HMGB1: variants seen among roughly 807,000 people sequenced by gnomAD.
HMGB1 encodes the protein high mobility group protein B1.
For synonymous variants in HMGB1, 81 were observed against 84.0 expected (o/e 0.96, Z 0.19); for missense variants, 79 against 253.5 (o/e 0.31, Z 4.67).
At chr13:30,512,755 A>G (rs1431838705) in intron 1 of HMGB1, among the ~76,000 whole-genome samples, 1 of 152,210 alleles carries the variant, frequency 6.6e-6, no homozygotes, top group East Asian at 1.9e-4. Flanking sequence ...CAGCTCCAGG[A>G]CCACGGTAAA....
At chr13:30,495,223 A>G (rs1475978912) in intron 1 of HMGB1, among the ~76,000 whole-genome samples, 1 of 152,094 alleles carries the variant, frequency 6.6e-6, no homozygotes, top group Non-Finnish European at 1.5e-5. Context: ...GCTTGCCACC[A>G]GTATCGTTTT....
rs188109636 is a variant in HMGB1, at chr13:30,519,222, G to A, written c.-14-55528C>T. Among the ~76,000 whole-genome samples, 23 of 151,390 alleles carry A rather than the reference G, an allele frequency of 1.5e-4. No individual in the cohort carries two copies. The South Asian group carries it at 1.7e-3, about 11-fold the overall frequency. ...AGCCTGGCCAACATGGTGAAACCCC[G>A]TCTCTATTAAAAATACAAAAATTAG... On this transcript the variant is annotated intron_variant, in intron 1 of 4. Coordinates refer to the HMGB1 transcript ENST00000405805.
intron 1 of HMGB1, among the ~76,000 whole-genome samples, chr13:30,490,344 GC>G (rs1020737061): frequency 1.3e-5 from 2 of 152,114 alleles, no homozygotes; most frequent in African/African-American, 4.8e-5. Context: ...TTTGGGCTGG[GC>G]GTGGTGGTTC....
chr13:30,558,650 C>CT (rs1869796947), intron 1 of HMGB1, among the ~76,000 whole-genome samples: 8 of 152,248 alleles, frequency 5.3e-5, no homozygotes, highest in Middle Eastern at 3.4e-3. Flanking sequence ...ATGAAACCTT[C>CT]CTTTTTCCAA....
chr13:30,592,874 A>ATTTTT (rs1566034980), intron 1 of HMGB1, among the ~76,000 whole-genome samples: 2 of 148,546 alleles, frequency 1.3e-5, no homozygotes, highest in African/African-American at 5.2e-5. Context: ...TTTTTTTTAA[A>ATTTTT]AAAAAAAAAA....
intron 1 of HMGB1, among the ~76,000 whole-genome samples, chr13:30,597,850 G>A (rs927836159): frequency 1.3e-5 from 2 of 152,056 alleles, no homozygotes; most frequent in African/African-American, 4.8e-5. Context: ...CCTGACCCCT[G>A]GTGTGTAGGG....
chr13:30,475,064 A>T (rs1593264675), intron 1 of HMGB1, among the ~76,000 whole-genome samples: 1 of 73,538 alleles, frequency 1.4e-5, no homozygotes, highest in Admixed American at 2.1e-4. Context: ...TTTTTTTGAG[A>T]CAGTCTCGCT....
chr13:30,564,278 C>CAA (rs60208654), intron 1 of HMGB1, among the ~76,000 whole-genome samples: 43 of 105,810 alleles, frequency 4.1e-4, no homozygotes, highest in Non-Finnish European at 6.0e-4. Flanking sequence ...ACTAAAAATG[C>CAA]AAAAAAAAAA....
chr13:30,577,384 G>A (rs922296323), intron 1 of HMGB1, among the ~76,000 whole-genome samples: 1 of 149,976 alleles, frequency 6.7e-6, no homozygotes, highest in Non-Finnish European at 1.5e-5. Flanking sequence ...CCAGAAGAGC[G>A]TCCTCACCAA....
chr13:30,613,732 C>A (rs1327648270), intron 1 of HMGB1, among the ~76,000 whole-genome samples: 1 of 152,064 alleles, frequency 6.6e-6, no homozygotes, highest in African/African-American at 2.4e-5. Context: ...TTAGAGTCAA[C>A]AGGGTGTTGA....
chr13:30,555,033 G>GGT lies in HMGB1; in HGVS notation c.-15+61637_-15+61638insAC, dbSNP rs1174019434. The stretch of plus-strand genomic sequence containing the variant: ...AACCTTACATTGGATGTGTCGTTGT[G>GGT]TTTTTTTTTTTTTTTTTTTTTTTTT... On this transcript the variant is annotated intron_variant, in intron 1 of 4. Coordinates refer to the HMGB1 transcript ENST00000405805. 6.9e-5 allele frequency among the ~76,000 whole-genome samples: 5 copies of GGT among 72,442 alleles called. No homozygotes were observed. The East Asian group carries it at 2.3e-3, about 34-fold the overall frequency. The allele number at this position is 72,442 out of a possible 152,430, so 47.5% of individuals were successfully genotyped here. A position where few individuals can be genotyped will look rare whatever the true frequency, so the allele number is the denominator to read the frequency against.
intron 1 of HMGB1, among the ~76,000 whole-genome samples, chr13:30,509,138 A>G (rs117164405): frequency 0.046 from 6,948 of 151,974 alleles, 200 homozygotes; most frequent in Middle Eastern, 0.11. Context: ...GGGTCTCACC[A>G]TTTTGCCCAG....
intron 1 of HMGB1, among the ~76,000 whole-genome samples, chr13:30,534,081 C>T (rs111485498): frequency 6.6e-6 from 1 of 152,212 alleles, no homozygotes; most frequent in South Asian, 2.1e-4. Context: ...TAAGGCTGGT[C>T]TTGAACTCCC....
At chr13:30,603,058 T>C (rs1227347225) in intron 1 of HMGB1, among the ~76,000 whole-genome samples, 2 of 152,242 alleles carry the variant, frequency 1.3e-5, no homozygotes, top group Non-Finnish European at 2.9e-5. Context: ...CTGCCTGCCC[T>C]GGCCTCTCCA....
chr13:30,570,194 G>C (rs180984184), intron 1 of HMGB1, among the ~76,000 whole-genome samples: 1 of 152,180 alleles, frequency 6.6e-6, no homozygotes, highest in Non-Finnish European at 1.5e-5. Context: ...GCTCATGCCT[G>C]TTACTCCCAG....
At chr13:30,504,651 T>G (rs1440968221) in intron 1 of HMGB1, among the ~76,000 whole-genome samples, 1 of 152,176 alleles carries the variant, frequency 6.6e-6, no homozygotes, top group East Asian at 1.9e-4. Flanking sequence ...TTAGGTTAGG[T>G]TGAAATCGAA....
intron 1 of HMGB1, among the ~76,000 whole-genome samples, chr13:30,607,704 T>C (rs1028789284): frequency 6.6e-6 from 1 of 152,186 alleles, no homozygotes; most frequent in Admixed American, 6.5e-5. Flanking sequence ...TTGATCATGC[T>C]ATATAAATTA....
intron 1 of HMGB1, among the ~76,000 whole-genome samples, chr13:30,555,035 T>G (rs1180081748): frequency 9.0e-6 from 1 of 111,228 alleles, no homozygotes; most frequent in Non-Finnish European, 1.7e-5. Flanking sequence ...GTCGTTGTGT[T>G]TTTTTTTTTT....
At chr13:30,495,662 T>C (rs1216988944) in intron 1 of HMGB1, among the ~76,000 whole-genome samples, 1 of 152,126 alleles carries the variant, frequency 6.6e-6, no homozygotes, top group East Asian at 1.9e-4. Context: ...ATATTTTTAA[T>C]AGAGACGGGG....
Sources: gnomAD v4.1 joint callset for allele counts (sites outside exome capture counted in the v4.1 genomes callset) on GRCh38, gnomAD v4.1.1 for gene constraint, MANE v1.5 for transcripts, NCBI Gene and HGNC (gene_info 2026-07-23, HGNC 2026-07-21) for gene names.